GRM7: variants seen among roughly 807,000 people sequenced by gnomAD.
GRM7 encodes the protein glutamate metabotropic receptor 7.
GRM7 carries 35 observed loss-of-function variants against 84.5 expected under a neutral mutation model. That is an observed-to-expected ratio of 0.41 (90% CI 0.32 to 0.55). The LOEUF (loss-of-function observed/expected upper bound fraction) is 0.55. Among genes scored for constraint, GRM7 ranks in the 20% least tolerant of loss-of-function variants. GRM7 has a pLI of 0.19. For synonymous variants in GRM7, 487 were observed against 455.1 expected (o/e 1.07, Z -0.89); for missense variants, 1,003 against 1,194.6 (o/e 0.84, Z 2.36).
At chr3:7,513,959 T>C (rs540707908) in intron 7 of GRM7, among the ~76,000 whole-genome samples, 2 of 152,334 alleles carry the variant, frequency 1.3e-5, no homozygotes, top group Admixed American at 6.5e-5. Flanking sequence ...TCAAAGGCAA[T>C]ATTTCACTTT....
chr3:7,569,113 A>G (rs1694506502), intron 7 of GRM7, among the ~76,000 whole-genome samples: 1 of 152,146 alleles, frequency 6.6e-6, no homozygotes, highest in South Asian at 2.1e-4. Context: ...GATTGTAAAT[A>G]CACCTATCAG....
At chr3:7,667,259 C>A (rs745754196) in intron 8 of GRM7, among the ~76,000 whole-genome samples, 19 of 122,722 alleles carry the variant, frequency 1.5e-4, no homozygotes, top group Non-Finnish European at 2.9e-4. Context: ...CAGAGTGAGA[C>A]CCTGTCTGTT....
At chr3:6,872,242 C>G (rs555004164) in intron 1 of GRM7, among the ~76,000 whole-genome samples, 1 of 152,266 alleles carries the variant, frequency 6.6e-6, no homozygotes, top group South Asian at 2.1e-4. Flanking sequence ...TCATTGCACC[C>G]TGTTTCATTG....
In GRM7 at chr3:7,611,271, A is replaced by C. The variant is rs557819245; in HGVS notation, c.2451+31914A>C. Among the ~76,000 whole-genome samples, 3 of 152,314 alleles carry C rather than the reference A, an allele frequency of 2.0e-5. No individual in the cohort carries two copies. In the South Asian group the frequency reaches 6.2e-4, roughly 32 times the overall value. ...GCCTGGCCAATAGTGAGTGCTAATAATTATTATATGAAACCGTTGCCGTAG... is the reference window on the plus strand; with the variant it reads ...GCCTGGCCAATAGTGAGTGCTAATACTTATTATATGAAACCGTTGCCGTAG... On this transcript the variant is annotated intron_variant, in intron 8 of 9. Coordinates refer to ENST00000357716, the MANE Select transcript of GRM7 (RefSeq NM_000844.4).
chr3:7,275,528 C>A (rs1448287774), intron 2 of GRM7, among the ~76,000 whole-genome samples: 1 of 152,128 alleles, frequency 6.6e-6, no homozygotes, highest in African/African-American at 2.4e-5. Flanking sequence ...TCCATTATCT[C>A]CTGCCCTTCC....
At chr3:7,271,579 A>C (rs1333319029) in intron 2 of GRM7, among the ~76,000 whole-genome samples, 1 of 150,868 alleles carries the variant, frequency 6.6e-6, no homozygotes, top group Non-Finnish European at 1.5e-5. Context: ...AAAAAAAAAA[A>C]AAAAAAGAAA....
chr3:6,925,847 T>A (rs1396425389), intron 1 of GRM7, among the ~76,000 whole-genome samples: 1 of 152,186 alleles, frequency 6.6e-6, no homozygotes, highest in Non-Finnish European at 1.5e-5. Context: ...CTTCAGATAT[T>A]TGTAGCCCAT....
At chr3:6,968,545 A>T (rs13078619) in intron 1 of GRM7, among the ~76,000 whole-genome samples, 8,014 of 152,324 alleles carry the variant, frequency 0.053, 275 homozygotes, top group Non-Finnish European at 0.081. Flanking sequence ...TCATTTACTT[A>T]AAATGCTTAT....
intron 9 of GRM7, among the ~76,000 whole-genome samples, chr3:7,737,843 ATTTTT>A (rs35087158): frequency 7.4e-6 from 1 of 134,462 alleles, no homozygotes; most frequent in Non-Finnish European, 1.6e-5. Flanking sequence ...TATTCTCCCA[ATTTTT>A]TTTTTTTTTT....
At chr3:6,995,919 G>T (rs1279183689) in intron 1 of GRM7, among the ~76,000 whole-genome samples, 1 of 152,058 alleles carries the variant, frequency 6.6e-6, no homozygotes, top group Non-Finnish European at 1.5e-5. Flanking sequence ...GATGTGAAAG[G>T]TAAGCTTCTG....
intron 8 of GRM7, among the ~76,000 whole-genome samples, chr3:7,675,997 C>T (rs985516020): frequency 2.6e-5 from 4 of 151,818 alleles, no homozygotes; most frequent in East Asian, 3.9e-4. Flanking sequence ...TTCTGCACAT[C>T]GGACTTTTTT....
In GRM7 at chr3:7,537,076, A is replaced by G. The variant is rs376933780; in HGVS notation, c.1516-41346A>G. On this transcript the variant is annotated intron_variant, in intron 7 of 9. Coordinates refer to ENST00000357716, the MANE Select transcript of GRM7 (RefSeq NM_000844.4). ...GCTTGAGGAAAGAAGTTTACAGCAC[A>G]CACCAGAATGGCTCTTCAGAGCTGC... 7.1e-4 allele frequency among the ~76,000 whole-genome samples: 108 copies of G among 152,254 alleles called. 3 individuals are homozygous for G. The South Asian group carries it at 0.018, about 25-fold the overall frequency.
chr3:7,492,508 T>C (rs1029219531), intron 7 of GRM7, among the ~76,000 whole-genome samples: 1 of 152,122 alleles, frequency 6.6e-6, no homozygotes, highest in Non-Finnish European at 1.5e-5. Flanking sequence ...GTTGGTTGGT[T>C]GTTGTTCTAT....
chr3:7,401,936 A>G (rs143903478), intron 4 of GRM7, among the ~76,000 whole-genome samples: 229 of 152,324 alleles, frequency 1.5e-3, no homozygotes, highest in African/African-American at 5.3e-3. Flanking sequence ...TATTATAAGA[A>G]TAAATGGATG....
intron 7 of GRM7, among the ~76,000 whole-genome samples, chr3:7,464,897 G>T (rs890533094): frequency 6.6e-6 from 1 of 151,850 alleles, no homozygotes; most frequent in Non-Finnish European, 1.5e-5. Flanking sequence ...TTGGGAGGCT[G>T]AGGCAGGATA....
At chr3:6,964,941 G>A (rs1481680152) in intron 1 of GRM7, among the ~76,000 whole-genome samples, 1 of 152,130 alleles carries the variant, frequency 6.6e-6, no homozygotes, top group Non-Finnish European at 1.5e-5. Context: ...TTGACTGGGT[G>A]CTTTCTTCCA....
At chr3:7,107,127 A>G (rs1379926387) in intron 1 of GRM7, among the ~76,000 whole-genome samples, 1 of 152,000 alleles carries the variant, frequency 6.6e-6, no homozygotes, top group Non-Finnish European at 1.5e-5. Flanking sequence ...TGTAACATTT[A>G]TTTTCTTTCA....
intron 4 of GRM7, among the ~76,000 whole-genome samples, chr3:7,336,964 T>C: frequency 6.6e-6 from 1 of 152,074 alleles, no homozygotes; most frequent in African/African-American, 2.4e-5. Flanking sequence ...AAAATGACCA[T>C]ACTGCCAAAA....
rs369239435 is a variant in GRM7 at position 7,183,456 on chromosome 3, G to A, written c.736+36788G>A. Among the ~76,000 whole-genome samples, 23 of 151,994 alleles carry A rather than the reference G, an allele frequency of 1.5e-4. No homozygotes were observed. In the East Asian group the frequency reaches 3.1e-3, roughly 21 times the overall value. On this transcript the variant is annotated intron_variant, in intron 2 of 9. Coordinates refer to ENST00000357716, the MANE Select transcript of GRM7 (RefSeq NM_000844.4). ...AGCCGGGCTAATGTGGTGAAACCCC[G>A]TCCCTACTAAAAATACAAAAACTAG...
Sources: allele counts gnomAD v4.1 joint callset (sites outside exome capture counted in the v4.1 genomes callset), GRCh38; gene constraint gnomAD v4.1.1; transcripts MANE v1.5; gene names NCBI Gene and HGNC (gene_info 2026-07-23, HGNC 2026-07-21).